The following TENM3 variants were observed in gnomAD, a reference collection of about 807,000 sequenced individuals.
The protein encoded by TENM3 is teneurin transmembrane protein 3.
TENM3 carries 63 observed loss-of-function variants against 255.1 expected under a neutral mutation model. The ratio of observed to expected loss-of-function variants is 0.25; its 90% CI spans 0.20 to 0.30. The LOEUF is 0.30. Ranked by LOEUF, TENM3 falls within the 10% of genes least tolerant of loss-of-function variation. The probability of loss-of-function intolerance (pLI) is 1.00; values close to 1 mark genes in which losing one functional copy is unlikely to be tolerated. For missense variants in TENM3, 2,929 were observed against 3,461.1 expected, an observed-to-expected ratio of 0.85 and a Z score of 3.86; for synonymous variants, 1,306 against 1,322.3, an observed-to-expected ratio of 0.99 and a Z score of 0.27.
chr4:182,443,993 T>A (rs1423215234), intron 3 of TENM3, among the ~76,000 whole-genome samples: 1 of 152,218 alleles, frequency 6.6e-6, no homozygotes, highest in Non-Finnish European at 1.5e-5. Flanking sequence ...CAGATGTGGG[T>A]CATTTATTAT....
Position 182,799,681 on chromosome 4 carries a change from G to C in TENM3, c.7430G>C (p.Arg2477Pro). The C allele has an allele frequency of 6.5e-7, 1 of 1,548,908 alleles. No homozygotes were observed. Among genetic ancestry groups the C allele is most frequent in the Non-Finnish European group, 8.7e-7 (1 of 1,146,534 alleles). The change falls in exon 28 of 28, where the codon CGG (arginine) becomes CCG (proline). Residue 2477 changes from arginine to proline, a missense_variant. Arg to Pro is a moderately radical substitution (Grantham distance 103, BLOSUM62 -2). Around this residue, in one of 6 missense-constraint regions of TENM3, gnomAD observed 476 missense variants for 480.1 expected, o/e 0.99. Coordinates refer to ENST00000511685, the MANE Select transcript of TENM3 (RefSeq NM_001080477.4). This position sits in a 1 kb window ranked among gnomAD's most constrained non-coding sequence, Gnocchi z 4.2. Reference protein sequence around the residue: ...LGKMAEVQVSRRRAGGAQSWL... With the variant: ...LGKMAEVQVSPRRAGGAQSWL... Reference sequence around the variant, plus strand: ...AAGATGGCCGAGGTGCAGGTGAGCCGGCGCCGGGCCGGCGGCGCGCAGTCC... The same window carrying C: ...AAGATGGCCGAGGTGCAGGTGAGCCCGCGCCGGGCCGGCGGCGCGCAGTCC...
In TENM3 at chr4:182,301,832, C is replaced by T. The variant is rs114249828; in HGVS notation, c.-75-22114C>T. Among the ~76,000 whole-genome samples the T allele has an allele frequency of 5.0e-3, 763 of 152,214 alleles. 1 individual carries two copies. The highest frequency in any genetic ancestry group is 0.016 in the African/African-American group (652 of 41,498). ...ACTATCGCACTGGGAATAAGTGTGG[C>T]ACACAACTCTAAAGACAGGGAATTC... is the stretch of plus-strand genomic sequence containing the variant. On this transcript the variant is annotated intron_variant, in intron 1 of 27. Coordinates refer to ENST00000511685, the MANE Select transcript of TENM3 (RefSeq NM_001080477.4).
At chr4:182,276,467 C>G (rs544391540) in intron 1 of TENM3, among the ~76,000 whole-genome samples, 1 of 152,164 alleles carries the variant, frequency 6.6e-6, no homozygotes, top group Non-Finnish European at 1.5e-5. Flanking sequence ...TCCATCAAGC[C>G]TTTGACTCGA....
intron 2 of TENM3, among the ~76,000 whole-genome samples, chr4:182,340,730 T>TG (rs1420642049): frequency 6.6e-6 from 1 of 152,224 alleles, no homozygotes; most frequent in African/African-American, 2.4e-5. Flanking sequence ...GAGAGAACTC[T>TG]GGAAGACATG....
chr4:182,441,129 G>A (rs1183187036), intron 3 of TENM3, among the ~76,000 whole-genome samples: 1 of 152,054 alleles, frequency 6.6e-6, no homozygotes, highest in African/African-American at 2.4e-5. Flanking sequence ...GAGCGATCTG[G>A]GAGGGTATCA....
the TENM3 span, among the ~76,000 whole-genome samples, chr4:181,931,411 C>T: frequency 3.0e-4 from 45 of 152,284 alleles, no homozygotes; most frequent in Admixed American, 5.2e-4. Context: ...AACTCCCATT[C>T]ACAATTCCTA....
chr4:182,331,009 A>T (rs973970603), intron 2 of TENM3, among the ~76,000 whole-genome samples: 1 of 152,198 alleles, frequency 6.6e-6, no homozygotes, highest in Non-Finnish European at 1.5e-5. Context: ...TTGCATACAT[A>T]TGACAATGAC....
rs767787511 is a variant in TENM3, at chr4:182,346,821, T to A, written c.403T>A (p.Trp135Arg). The A allele has an allele frequency of 2.6e-5, 42 of 1,613,372 alleles. No individual in the cohort carries two copies. The East Asian group carries it at 9.1e-4, about 35-fold the overall frequency. The change falls in exon 3 of 28, where the codon TGG (tryptophan) becomes AGG (arginine). Residue 135 changes from tryptophan (W) to arginine (R), a missense_variant. This residue lies in a region of TENM3 where 283 missense variants were observed against 256.9 expected (regional missense o/e 1.10). Transcript: ENST00000511685. The stretch of plus-strand genomic sequence containing the variant: ...GTCCCCAGAGCATGCCATGAGACTT[T>A]GGGGCAGGGGGGTCAAATCAGGCCG... ...VMSPEHAMRL[W>R]GRGVKSGRSS...
chr4:182,041,586 A>G, the TENM3 span, among the ~76,000 whole-genome samples: 1 of 152,242 alleles, frequency 6.6e-6, no homozygotes, highest in Non-Finnish European at 1.5e-5. Flanking sequence ...TTCAAAAAGT[A>G]TTAGAACTAA....
chr4:182,715,153 G>C (rs762733431), intron 13 of TENM3, among the ~76,000 whole-genome samples: 1 of 152,230 alleles, frequency 6.6e-6, no homozygotes, highest in Non-Finnish European at 1.5e-5. Flanking sequence ...AAAGTGCTGG[G>C]ATTACAGGCG....
chr4:181,868,302 G>C, the TENM3 span, among the ~76,000 whole-genome samples: 1 of 151,648 alleles, frequency 6.6e-6, no homozygotes, highest in Non-Finnish European at 1.5e-5. Flanking sequence ...CCAGGATCAT[G>C]ACTTCTAACA....
At chr4:182,742,673 A>T (rs1048917479) in intron 18 of TENM3, among the ~76,000 whole-genome samples, 2 of 152,198 alleles carry the variant, frequency 1.3e-5, no homozygotes, top group Non-Finnish European at 2.9e-5. Context: ...CAATGAGGCA[A>T]ACTTGTTATT....
At chr4:182,263,685 C>CG (rs1759031808) in intron 1 of TENM3, among the ~76,000 whole-genome samples, 1 of 152,118 alleles carries the variant, frequency 6.6e-6, no homozygotes, top group Non-Finnish European at 1.5e-5. Context: ...CTGAGCATTT[C>CG]GCCTTGCCCA....
chr4:181,467,125 AT>A, the TENM3 span, among the ~76,000 whole-genome samples: 259 of 17,602 alleles, frequency 0.015, 1 homozygote, highest in East Asian at 0.091. Flanking sequence ...ATATATATAT[AT>A]TTTTTTTTTT....
At chr4:182,200,385 C>T (rs190962622) in intron 1 of TENM3, among the ~76,000 whole-genome samples, 240 of 152,288 alleles carry the variant, frequency 1.6e-3, no homozygotes, top group African/African-American at 5.5e-3. Context: ...CCAATTCACA[C>T]TTCAGGAAAA....
intron 7 of TENM3, among the ~76,000 whole-genome samples, chr4:182,679,126 T>C (rs578117912): frequency 1.6e-4 from 25 of 152,014 alleles, no homozygotes; most frequent in Middle Eastern, 3.4e-3. Flanking sequence ...GATTGATGGG[T>C]GCAGCAAACC....
At chr4:182,220,588 T>C (rs1340969096) in intron 1 of TENM3, among the ~76,000 whole-genome samples, 1 of 152,054 alleles carries the variant, frequency 6.6e-6, no homozygotes, top group Non-Finnish European at 1.5e-5. Flanking sequence ...GCCCTGTAGA[T>C]TGATAGGAAA....
the TENM3 span, among the ~76,000 whole-genome samples, chr4:181,930,431 T>G: frequency 6.6e-6 from 1 of 152,112 alleles, no homozygotes; most frequent in Non-Finnish European, 1.5e-5. Flanking sequence ...AATGGATAAT[T>G]TCCTGGACAC....
At chr4:181,851,176 C>T in the TENM3 span, among the ~76,000 whole-genome samples, 1,060 of 152,276 alleles carry the variant, frequency 7.0e-3, 7 homozygotes, top group Non-Finnish European at 0.012. Flanking sequence ...GGCCAGTTTC[C>T]TCTGAGAGAA....
Sources: allele counts gnomAD v4.1 joint callset (sites outside exome capture counted in the v4.1 genomes callset), GRCh38; gene constraint gnomAD v4.1.1; regional missense constraint gnomAD v4.1.1; non-coding constraint Gnocchi (gnomAD v3.1); transcripts MANE v1.5; gene names NCBI Gene and HGNC (gene_info 2026-07-23, HGNC 2026-07-21).